Variants in ENDOV observed in about 807,000 individuals in gnomAD.
ENDOV encodes the protein endonuclease V.
A neutral mutation model predicts 39.4 loss-of-function variants in ENDOV; 37 were observed. The ratio of observed to expected loss-of-function variants is 0.94; its 90% CI spans 0.72 to 1.23. The LOEUF is 1.23. Ranked by LOEUF, ENDOV falls within the 50% of genes most tolerant of loss-of-function variation. The pLI is 0.00. For missense variants in ENDOV, 441 were observed against 375.7 expected, an observed-to-expected ratio of 1.17 and a Z score of -1.44; for synonymous variants, 186 against 163.4, an observed-to-expected ratio of 1.14 and a Z score of -1.05.
intron 8 of ENDOV, 66 bp downstream of exon 8, chr17:80,428,726 G>T (rs548394472): frequency 2.8e-5 from 41 of 1,466,640 alleles, no homozygotes; most frequent in Non-Finnish European, 3.7e-5. Context: ...GGCTGTTTCC[G>T]GTGGCTCAGC....
At chr17:80,420,517 C>T (rs2144883151) in intron 2 of ENDOV, 1 of 152,328 alleles carries the variant, frequency 6.6e-6, no homozygotes, top group Admixed American at 6.5e-5. Context: ...TGTGCTAATA[C>T]AGAGCACTCC....
rs1568264164 is a variant in ENDOV at position 80,437,733 on chromosome 17, C to T, written c.*1590C>T. On this transcript the variant is annotated 3_prime_UTR_variant, in exon 10 of 10. Coordinates refer to ENST00000518137, the MANE Select transcript of ENDOV (RefSeq NM_173627.5). Reference sequence around the variant, plus strand: ...CAAAACAGGAAAGAACACACGGCCCCGCGTCTGTTGCCTGAGTCACTGTAT... The same window carrying T: ...CAAAACAGGAAAGAACACACGGCCCTGCGTCTGTTGCCTGAGTCACTGTAT... 6.6e-6 allele frequency: 1 copy of T among 152,176 alleles called. No individual in the cohort carries two copies. Among genetic ancestry groups the T allele is most frequent in the Admixed American group, 6.5e-5 (1 of 15,280 alleles). 9.4% of individuals were successfully genotyped at this position (152,176 alleles called of 1,614,324 possible).
In ENDOV at chr17:80,431,963, G is replaced by A. The variant is rs902953241; in HGVS notation, c.838+2132G>A. On this transcript the variant is annotated intron_variant, in intron 9 of 9. Transcript: ENST00000518137. ...GTGAGGCCGGCTTTGAGGTTGTGTG[G>A]ACCCTGTCTGCCTCTAGCTCAAGTT... 5.3e-5 allele frequency among the ~76,000 whole-genome samples: 8 copies of A among 152,260 alleles called. No homozygotes were observed. The South Asian group carries it at 1.7e-3, about 32-fold the overall frequency.
Position 80,415,792 on chromosome 17 carries a change from C to T in ENDOV, c.199C>T (p.Leu67=), listed in dbSNP as rs766155697. 4.4e-6 allele frequency: 7 copies of T among 1,601,588 alleles called. No homozygotes were observed. The South Asian group carries it at 4.5e-5, about 10-fold the overall frequency. ...GGACAGTGTCCGCGCTTGTGCTTCC[C>T]TGGTGGTGCTCAGCTTCCCTGAGCT... ...KGDSVRACAS[L]VVLSFPELEV... The change falls in exon 2 of 10, where the codon CTG becomes TTG. Residue 67 remains leucine (L), a synonymous_variant. Transcript: ENST00000518137.
intron 9 of ENDOV, chr17:80,430,525 G>A: frequency 2.0e-6 from 1 of 497,930 alleles, no homozygotes; most frequent in South Asian, 2.0e-5. Flanking sequence ...GGGGTAGCTG[G>A]GCTTTAGCAC....
At chr17:80,426,526 C>G (rs962715278) in intron 7 of ENDOV, among the ~76,000 whole-genome samples, 20 of 152,176 alleles carry the variant, frequency 1.3e-4, no homozygotes, top group African/African-American at 4.8e-4. Flanking sequence ...TGGTGCGTGC[C>G]TGTGGTCTCT....
chr17:80,427,314 C>T (rs1035813987), intron 7 of ENDOV: 4 of 556,922 alleles, frequency 7.2e-6, no homozygotes, highest in Non-Finnish European at 9.1e-6. Flanking sequence ...AACTTTAGGT[C>T]GTGCTGCTGC....
intron 2 of ENDOV, among the ~76,000 whole-genome samples, chr17:80,421,559 C>T (rs1184801963): frequency 1.4e-5 from 2 of 146,824 alleles, no homozygotes; most frequent in Non-Finnish European, 3.0e-5. Flanking sequence ...CAGACCAGGT[C>T]CCGGGGGAGC....
chr17:80,429,904 C>T (rs774259063), intron 9 of ENDOV, 73 bp downstream of exon 9: 26 of 1,610,622 alleles, frequency 1.6e-5, no homozygotes, highest in East Asian at 4.5e-5. Flanking sequence ...CAGGAGCAGG[C>T]GGGCAAGGAC....
rs1274837652 is a variant in ENDOV, at chr17:80,423,728, G to A, written c.516+96G>A. 7 of 1,135,286 alleles carry A rather than the reference G, an allele frequency of 6.2e-6. No individual in the cohort carries two copies. The Admixed American group carries it at 1.6e-4, about 26-fold the overall frequency. The allele number at this position is 1,135,286 out of a possible 1,614,324, so 70.3% of individuals were successfully genotyped here. On this transcript the variant is annotated intron_variant, in intron 5 of 9. Coordinates refer to ENST00000518137, the MANE Select transcript of ENDOV (RefSeq NM_173627.5). ...GACACTTCTGGACCAGCCCTTGCCT[G>A]CTGACGCTGCCCTCCTCATCCCTGG...
At chr17:80,427,914 C>T in intron 7 of ENDOV, 6 of 1,204,674 alleles carry the variant, frequency 5.0e-6, no homozygotes, top group Non-Finnish European at 6.4e-6. Flanking sequence ...CAGGAGCAGG[C>T]TGGGGGATTA....
At chr17:80,415,587 C>A in intron 1 of ENDOV, 63 bp from the exon 2 acceptor site, 1 of 1,556,254 alleles carries the variant, frequency 6.4e-7, no homozygotes, top group Non-Finnish European at 8.7e-7. Flanking sequence ...TGCAGCCGCG[C>A]GGGTGGAGGA....
intron 9 of ENDOV, among the ~76,000 whole-genome samples, chr17:80,433,504 C>T (rs1385118819): frequency 2.6e-5 from 4 of 152,234 alleles, no homozygotes; most frequent in Non-Finnish European, 5.9e-5. Flanking sequence ...CTCAGGTCCT[C>T]GAAGGGAGGC....
Position 80,436,245 on chromosome 17 carries a change from C to T in ENDOV, c.*102C>T. On this transcript the variant is annotated 3_prime_UTR_variant, in exon 10 of 10. Transcript: ENST00000518137. ...TCCTGATCGAACGCGGTGGTGAGAG[C>T]ACACATCCTCGTCTCGTTCCTGATC... The T allele has an allele frequency of 9.9e-7, 1 of 1,014,256 alleles. No homozygotes were observed. 62.8% of individuals were successfully genotyped at this position (1,014,256 alleles called of 1,614,324 possible). A position where few individuals can be genotyped will look rare whatever the true frequency, so the allele number is the denominator to read the frequency against.
chr17:80,422,290 G>A lies in ENDOV; in HGVS notation c.403+45G>A, dbSNP rs551159476. 1,851 of 1,600,988 alleles carry A rather than the reference G, an allele frequency of 1.2e-3. 25 individuals carry two copies. The Admixed American group carries it at 0.021, about 18-fold the overall frequency. On this transcript the variant is annotated intron_variant, in intron 4 of 9. Coordinates refer to ENST00000518137, the MANE Select transcript of ENDOV (RefSeq NM_173627.5). ...TCCAGGGAGGGCACTGTGGGGAAGA[G>A]CGGGGGGAGAGGGCACCTCTGTCGT...
Position 80,422,246 on chromosome 17 carries a change from G to A in ENDOV, c.403+1G>A. ...GGAAACGGGGTACTCCACCACCGAGGTAATCCTGCTCTTGGAGGTCCAGGG... is the reference window on the plus strand; with the variant it reads ...GGAAACGGGGTACTCCACCACCGAGATAATCCTGCTCTTGGAGGTCCAGGG... On this transcript the variant is annotated splice_donor_variant, in intron 4 of 9. Coordinates refer to ENST00000518137, the MANE Select transcript of ENDOV (RefSeq NM_173627.5). LOFTEE classifies it high-confidence loss of function. 6.2e-7 allele frequency: 1 copy of A among 1,613,688 alleles called. No individual in the cohort carries two copies. Among genetic ancestry groups the A allele is most frequent in the Non-Finnish European group, 8.5e-7 (1 of 1,179,820 alleles).
rs1371356550 is a variant in ENDOV at position 80,415,793 on chromosome 17, T to C, written c.200T>C (p.Leu67Pro). The C allele has an allele frequency of 1.2e-6, 2 of 1,601,664 alleles. No individual in the cohort carries two copies. The highest frequency in any genetic ancestry group is 1.7e-5 in the Admixed American group (1 of 58,270). ...GACAGTGTCCGCGCTTGTGCTTCCC[T>C]GGTGGTGCTCAGCTTCCCTGAGCTC... ...KGDSVRACAS[L>P]VVLSFPELEV... Residue 67 changes from leucine (L) to proline (P), a missense_variant, in exon 2 of 10, where the codon CTG (leucine) becomes CCG (proline). Transcript: ENST00000518137.
Position 80,425,533 on chromosome 17 carries a change from C to A in ENDOV, c.627C>A (p.Ile209=). Reference sequence around the variant, plus strand: ...ACCGCAGCACCAGGCCCCTCTACATCTCCGTGGGCCACAGGATGAGCCTGG... The same window carrying A: ...ACCGCAGCACCAGGCCCCTCTACATATCCGTGGGCCACAGGATGAGCCTGG... ...SHDRSTRPLY[I]SVGHRMSLEA... Residue 209 remains isoleucine, a synonymous_variant, in exon 7 of 10, where the codon ATC becomes ATA. Transcript: ENST00000518137. 1.3e-6 allele frequency: 2 copies of A among 1,596,376 alleles called. No homozygotes were observed. The highest frequency in any genetic ancestry group is 8.5e-7 in the Non-Finnish European group (1 of 1,174,872).
chr17:80,433,839 T>C (rs1050174143), intron 9 of ENDOV, among the ~76,000 whole-genome samples: 1 of 152,156 alleles, frequency 6.6e-6, no homozygotes, highest in Non-Finnish European at 1.5e-5. Flanking sequence ...TCCTTCATTT[T>C]CCCCTCCCCT....
Sources: gnomAD v4.1 joint callset for allele counts (sites outside exome capture counted in the v4.1 genomes callset) on GRCh38, gnomAD v4.1.1 for gene constraint, MANE v1.5 for transcripts, NCBI Gene and HGNC (gene_info 2026-07-23, HGNC 2026-07-21) for gene names.